Variants in PTPRT observed in about 807,000 individuals in gnomAD.
PTPRT encodes receptor-type tyrosine-protein phosphatase T.
In PTPRT, 56 loss-of-function variants were observed where a neutral mutation model predicts 176.8. The ratio of observed to expected loss-of-function variants is 0.32; its 90% CI spans 0.26 to 0.40. The LOEUF (loss-of-function observed/expected upper bound fraction) is 0.40. PTPRT is among the 10% of genes least tolerant of loss of function. The probability of loss-of-function intolerance (pLI) is 1.00; values close to 1 mark genes in which losing one functional copy is unlikely to be tolerated. For missense variants in PTPRT, 1,540 were observed against 1,908.2 expected, an observed-to-expected ratio of 0.81 and a Z score of 3.60; for synonymous variants, 783 against 739.0, an observed-to-expected ratio of 1.06 and a Z score of -0.96.
intron 16 of PTPRT, among the ~76,000 whole-genome samples, chr20:42,193,992 T>A (rs989495863): frequency 2.6e-5 from 4 of 152,196 alleles, no homozygotes; most frequent in African/African-American, 7.2e-5. Flanking sequence ...AATATATGTA[T>A]GATTTGGGCC....
intron 9 of PTPRT, among the ~76,000 whole-genome samples, chr20:42,352,740 A>C (rs1286772979): frequency 1.3e-5 from 2 of 152,264 alleles, no homozygotes; most frequent in Non-Finnish European, 2.9e-5. Flanking sequence ...TTTCTAACAG[A>C]GAAGATAATT....
At chr20:43,099,829 T>C (rs2012318107) in intron 1 of PTPRT, among the ~76,000 whole-genome samples, 1 of 152,200 alleles carries the variant, frequency 6.6e-6, no homozygotes. Context: ...CTGTAACCCT[T>C]GATTCTTCCT....
chr20:42,938,962 C>T (rs1275377670), intron 1 of PTPRT, among the ~76,000 whole-genome samples: 4 of 152,178 alleles, frequency 2.6e-5, no homozygotes, highest in African/African-American at 7.2e-5. Flanking sequence ...TTACTGGCGG[C>T]AGTTTAAACA....
intron 12 of PTPRT, among the ~76,000 whole-genome samples, chr20:42,306,052 A>T (rs1041470207): frequency 6.6e-6 from 1 of 152,234 alleles, no homozygotes; most frequent in Non-Finnish European, 1.5e-5. Flanking sequence ...AGCTGTCAAC[A>T]TTTGGGTAAC....
intron 7 of PTPRT, among the ~76,000 whole-genome samples, chr20:42,629,138 C>A (rs1395885652): frequency 6.6e-6 from 1 of 151,352 alleles, no homozygotes. Context: ...TAGTAAGTAG[C>A]CAATTACTGT....
the PTPRT span, among the ~76,000 whole-genome samples, chr20:42,059,067 C>T: frequency 6.6e-6 from 1 of 152,138 alleles, no homozygotes; most frequent in African/African-American, 2.4e-5. Context: ...CTTTCCAGTG[C>T]TTTTGCTGCA....
At chr20:43,021,519 C>T (rs1320106953) in intron 1 of PTPRT, among the ~76,000 whole-genome samples, 1 of 151,936 alleles carries the variant, frequency 6.6e-6, no homozygotes, top group East Asian at 1.9e-4. Flanking sequence ...AGCAGAGGAC[C>T]AGGGACAGGT....
rs533424526 is a variant in PTPRT, at chr20:42,101,325, G to C, written c.3714+799C>G. Among the ~76,000 whole-genome samples, 5 of 152,300 alleles carry C rather than the reference G, an allele frequency of 3.3e-5. No individual in the cohort carries two copies. In the South Asian group the frequency reaches 8.3e-4, roughly 25 times the overall value. On this transcript the variant is annotated intron_variant, in intron 26 of 30. Transcript: ENST00000373187. Reference sequence around the variant, plus strand: ...TGACCTTGAGCAAGTCTCTTTCTCTGTCTGGCCTCTGTTTTCTCTGCTGAA... The same window carrying C: ...TGACCTTGAGCAAGTCTCTTTCTCTCTCTGGCCTCTGTTTTCTCTGCTGAA...
chr20:42,879,394 T>A (rs1336844570), intron 2 of PTPRT, among the ~76,000 whole-genome samples: 3 of 152,226 alleles, frequency 2.0e-5, no homozygotes, highest in Non-Finnish European at 4.4e-5. Context: ...CACTGCCATC[T>A]GCATGTGGCC....
At chr20:42,448,616 C>T (rs1017294509) in intron 8 of PTPRT, among the ~76,000 whole-genome samples, 4 of 152,104 alleles carry the variant, frequency 2.6e-5, no homozygotes, top group Non-Finnish European at 5.9e-5. Flanking sequence ...AGTTTGCTAA[C>T]CCATTTTCAG....
At chr20:42,114,715 A>G (rs1017168525) in intron 22 of PTPRT, among the ~76,000 whole-genome samples, 1 of 152,190 alleles carries the variant, frequency 6.6e-6, no homozygotes, top group Admixed American at 6.5e-5. Context: ...GACATTTACA[A>G]ATATTCCTTG....
At chr20:42,033,232 C>T in the PTPRT span, among the ~76,000 whole-genome samples, 1 of 152,162 alleles carries the variant, frequency 6.6e-6, no homozygotes, top group African/African-American at 2.4e-5. Flanking sequence ...TCTGAAACAT[C>T]CTTGGAATTT....
At chr20:42,200,956 C>T (rs866003440) in intron 15 of PTPRT, among the ~76,000 whole-genome samples, 1 of 152,212 alleles carries the variant, frequency 6.6e-6, no homozygotes, top group African/African-American at 2.4e-5. Context: ...CCCCACTGAT[C>T]ATGAAACAGA....
At chr20:42,233,087 A>G (rs907364921) in intron 15 of PTPRT, among the ~76,000 whole-genome samples, 1 of 151,992 alleles carries the variant, frequency 6.6e-6, no homozygotes, top group Non-Finnish European at 1.5e-5. Flanking sequence ...TGATTCTTTA[A>G]TCATGGTCAG....
chr20:43,051,416 C>T (rs957898666), intron 1 of PTPRT, among the ~76,000 whole-genome samples: 2 of 152,152 alleles, frequency 1.3e-5, no homozygotes, highest in African/African-American at 4.8e-5. Context: ...TTGTCCTAGG[C>T]AGATGTGAAT....
chr20:43,147,201 G>A (rs1600747983), intron 1 of PTPRT, among the ~76,000 whole-genome samples: 1 of 152,232 alleles, frequency 6.6e-6, no homozygotes, highest in East Asian at 1.9e-4. Context: ...AGATGAAACT[G>A]TGTCCTCCTA....
At chr20:42,341,416 T>C (rs1027798577) in intron 11 of PTPRT, among the ~76,000 whole-genome samples, 1 of 152,084 alleles carries the variant, frequency 6.6e-6, no homozygotes, top group African/African-American at 2.4e-5. Context: ...CTGGAGAAGA[T>C]TAAACGATTA....
At chr20:42,062,399 A>G in the PTPRT span, among the ~76,000 whole-genome samples, 1 of 152,212 alleles carries the variant, frequency 6.6e-6, no homozygotes, top group African/African-American at 2.4e-5. Context: ...CTGGGGCATC[A>G]GGAAGAATCA....
At chr20:42,904,329 C>T (rs138276344) in intron 1 of PTPRT, among the ~76,000 whole-genome samples, 29 of 152,260 alleles carry the variant, frequency 1.9e-4, no homozygotes, top group African/African-American at 6.3e-4. Flanking sequence ...CATAGTAACT[C>T]GGGGCCTGAC....
Sources: allele counts gnomAD v4.1 joint callset (sites outside exome capture counted in the v4.1 genomes callset), GRCh38; gene constraint gnomAD v4.1.1; transcripts MANE v1.5; gene names NCBI Gene and HGNC (gene_info 2026-07-23, HGNC 2026-07-21).